FHOD3: variants seen among roughly 807,000 people sequenced by gnomAD.
The protein encoded by FHOD3 is FH1/FH2 domain-containing protein 3.
FHOD3 carries 90 observed loss-of-function variants against 173.0 expected under a neutral mutation model. The observed-to-expected ratio is 0.52, with a 90% CI of 0.44 to 0.62. The LOEUF is 0.62. Among genes scored for constraint, FHOD3 ranks in the 20% least tolerant of loss-of-function variants. The pLI, the probability that FHOD3 is intolerant of heterozygous loss-of-function variation, is 0.00. For synonymous variants in FHOD3, 828 were observed against 823.0 expected (o/e 1.01, Z -0.10); for missense variants, 1,945 against 2,034.7 (o/e 0.96, Z 0.85).
intron 10 of FHOD3, among the ~76,000 whole-genome samples, chr18:36,648,845 A>T (rs1480730921): frequency 6.6e-6 from 1 of 152,216 alleles, no homozygotes; most frequent in African/African-American, 2.4e-5. Flanking sequence ...GTCCATGCCA[A>T]ATTGGCCTGA....
At chr18:36,731,636 G>A (rs750988867) in intron 20 of FHOD3, among the ~76,000 whole-genome samples, 32 of 152,156 alleles carry the variant, frequency 2.1e-4, no homozygotes, top group Non-Finnish European at 4.3e-4. Context: ...TCTGTGATTG[G>A]GGTTCATCTT....
Position 36,740,764 on chromosome 18 carries a change from C to G in FHOD3, c.3685C>G (p.Leu1229Val), listed in dbSNP as rs2041864608. ...LGSAEQFLLT[L>V]SSISELSARL... The stretch of plus-strand genomic sequence containing the variant: ...CAGTGCAGAGCAGTTCCTCCTCACC[C>G]TGTCCTCCATCAGCGAGCTCTCTGC... Residue 1229 changes from leucine to valine, a missense_variant, in exon 21 of 29, where the codon CTG becomes GTG. Coordinates refer to ENST00000590592, the MANE Select transcript of FHOD3 (RefSeq NM_001281740.3). The G allele has an allele frequency of 6.2e-7, 1 of 1,614,000 alleles. No homozygotes were observed.
At chr18:36,412,705 T>C (rs1341165352) in intron 3 of FHOD3, among the ~76,000 whole-genome samples, 2 of 152,250 alleles carry the variant, frequency 1.3e-5, no homozygotes, top group African/African-American at 4.8e-5. Context: ...TCAGGCTTTT[T>C]TTGTTTTAAT....
At chr18:36,487,781 A>G (rs994308972) in intron 3 of FHOD3, among the ~76,000 whole-genome samples, 1 of 152,208 alleles carries the variant, frequency 6.6e-6, no homozygotes, top group Admixed American at 6.5e-5. Flanking sequence ...CACTGAGACA[A>G]CTTGCTGGAA....
intron 16 of FHOD3, chr18:36,692,933 A>G (rs1478359017): frequency 1.1e-5 from 5 of 471,874 alleles, no homozygotes; most frequent in Non-Finnish European, 1.9e-5. Context: ...TCCCTAAAAG[A>G]GCAAGATAGG....
At chr18:36,489,616 G>A (rs2054361886) in intron 3 of FHOD3, among the ~76,000 whole-genome samples, 1 of 152,136 alleles carries the variant, frequency 6.6e-6, no homozygotes, top group Non-Finnish European at 1.5e-5. Context: ...AGGCTGCAGT[G>A]AGCCATGTTC....
intron 6 of FHOD3, among the ~76,000 whole-genome samples, chr18:36,593,914 A>G (rs1210705507): frequency 6.6e-6 from 1 of 152,186 alleles, no homozygotes; most frequent in African/African-American, 2.4e-5. Flanking sequence ...TCTCGGCTGC[A>G]CAGTTTGAAT....
rs193007778 is a variant in FHOD3 at position 36,420,924 on chromosome 18, C to A, written c.337+48180C>A. On this transcript the variant is annotated intron_variant, in intron 3 of 28. Coordinates refer to ENST00000590592, the MANE Select transcript of FHOD3 (RefSeq NM_001281740.3). ...TTTTTCATTTCAGCTGTTGACTCCT[C>A]AGTAGTGCTGGATTTTTTATGTTTA... Among the ~76,000 whole-genome samples the A allele has an allele frequency of 2.0e-5, 3 of 152,296 alleles. No homozygotes were observed. In the East Asian group the frequency reaches 5.8e-4, roughly 29 times the overall value.
rs527398898 is a variant in FHOD3, at chr18:36,726,726, G to A, written c.3418-3920G>A. ...GTCTCACTCTGTCACCCAGGCTGGA[G>A]TGCAGTGGCGTAAACTCTGCTCACT... On this transcript the variant is annotated intron_variant, in intron 19 of 28. Transcript: ENST00000590592. Among the ~76,000 whole-genome samples, 22 of 152,120 alleles carry A rather than the reference G, an allele frequency of 1.4e-4. No homozygotes were observed. The East Asian group carries it at 4.1e-3, about 28-fold the overall frequency.
intron 15 of FHOD3, among the ~76,000 whole-genome samples, chr18:36,685,478 T>G (rs1387843779): frequency 6.6e-6 from 1 of 152,238 alleles, no homozygotes; most frequent in Non-Finnish European, 1.5e-5. Flanking sequence ...TTGTTTATGC[T>G]CCTCGTGCTT....
At chr18:36,564,088 AC>A (rs976074917) in intron 5 of FHOD3, among the ~76,000 whole-genome samples, 11 of 151,822 alleles carry the variant, frequency 7.2e-5, no homozygotes, top group African/African-American at 2.7e-4. Context: ...ACTCGGTGTC[AC>A]CCCAGGTGAC....
At chr18:36,541,016 C>A (rs903936274) in intron 5 of FHOD3, among the ~76,000 whole-genome samples, 1 of 151,464 alleles carries the variant, frequency 6.6e-6, no homozygotes, top group Non-Finnish European at 1.5e-5. Flanking sequence ...TTTAGGAGGC[C>A]GAGGCAGGCG....
chr18:36,538,894 G>T (rs2057096557), intron 5 of FHOD3, among the ~76,000 whole-genome samples: 1 of 152,124 alleles, frequency 6.6e-6, no homozygotes, highest in Non-Finnish European at 1.5e-5. Flanking sequence ...AAAATGATAT[G>T]GAGCTATCCA....
chr18:36,603,440 CAGTG>C (rs1445302941), intron 8 of FHOD3, among the ~76,000 whole-genome samples: 1 of 151,800 alleles, frequency 6.6e-6, no homozygotes, highest in Non-Finnish European at 1.5e-5. Context: ...AGGAAAGTGA[CAGTG>C]AGAATTTTAT....
In FHOD3 at chr18:36,297,762, G is replaced by T. The variant is rs1489583041; in HGVS notation, c.-74G>T. ...GAGCTGCGGCTGCGGCCTCCCCTGCGCGCAGCTACCCGGGCGTCCCGGCCC... is the reference window on the plus strand; with the variant it reads ...GAGCTGCGGCTGCGGCCTCCCCTGCTCGCAGCTACCCGGGCGTCCCGGCCC... On this transcript the variant is annotated 5_prime_UTR_variant, in exon 1 of 29. Transcript: ENST00000590592. 19 of 1,306,214 alleles carry T rather than the reference G, an allele frequency of 1.5e-5. No individual in the cohort carries two copies. The highest frequency in any genetic ancestry group is 1.4e-4 in the African/African-American group (9 of 63,754). The allele number at this position is 1,306,214 out of a possible 1,614,324, so 80.9% of individuals were successfully genotyped here. A position where few individuals can be genotyped will look rare whatever the true frequency, so the allele number is the denominator to read the frequency against.
At chr18:36,699,657 A>C (rs1315635713) in intron 17 of FHOD3, among the ~76,000 whole-genome samples, 1 of 152,186 alleles carries the variant, frequency 6.6e-6, no homozygotes, top group Non-Finnish European at 1.5e-5. Context: ...TCCCTTCAGC[A>C]GCCCTGCTTT....
intron 3 of FHOD3, among the ~76,000 whole-genome samples, chr18:36,423,266 G>T (rs995377393): frequency 2.4e-4 from 36 of 152,168 alleles, no homozygotes; most frequent in African/African-American, 8.7e-4. Context: ...TTAATGCCAT[G>T]ATTACAATTT....
chr18:36,501,678 T>C (rs2055039001), intron 3 of FHOD3, among the ~76,000 whole-genome samples: 2 of 152,170 alleles, frequency 1.3e-5, no homozygotes, highest in Non-Finnish European at 1.5e-5. Flanking sequence ...TTCTACCTGT[T>C]TGAGAGGGAA....
intron 1 of FHOD3, among the ~76,000 whole-genome samples, chr18:36,338,665 T>G (rs2145410733): frequency 6.6e-6 from 1 of 152,244 alleles, no homozygotes; most frequent in Non-Finnish European, 1.5e-5. Context: ...GAGTTCTGGG[T>G]TTTCCTGGCC....
Sources: allele counts gnomAD v4.1 joint callset (sites outside exome capture counted in the v4.1 genomes callset), GRCh38; gene constraint gnomAD v4.1.1; transcripts MANE v1.5; gene names NCBI Gene and HGNC (gene_info 2026-07-23, HGNC 2026-07-21).